Variants in TRIO observed in about 807,000 individuals in gnomAD.
TRIO encodes trio Rho guanine nucleotide exchange factor.
TRIO carries 58 observed loss-of-function variants against 351.9 expected under a neutral mutation model. The ratio of observed to expected loss-of-function variants is 0.16; its 90% CI spans 0.13 to 0.21. The LOEUF (loss-of-function observed/expected upper bound fraction) is 0.21, where lower values mean the gene tolerates loss of function less well. TRIO is among the 10% of genes least tolerant of loss of function. The pLI, the probability that TRIO is intolerant of heterozygous loss-of-function variation, is 1.00. For missense variants in TRIO, 3,201 were observed against 4,027.8 expected (o/e 0.79, Z 5.56); for synonymous variants, 1,758 against 1,595.7 (o/e 1.10, Z -2.42).
At chr5:14,216,045 C>G (rs779030255) in intron 1 of TRIO, among the ~76,000 whole-genome samples, 2 of 152,160 alleles carry the variant, frequency 1.3e-5, no homozygotes, top group African/African-American at 2.4e-5. Context: ...ATCATGGTAT[C>G]TACTTCTTAG....
intron 7 of TRIO, among the ~76,000 whole-genome samples, chr5:14,300,543 T>C (rs30635): frequency 2.6e-5 from 4 of 152,054 alleles, no homozygotes; most frequent in Non-Finnish European, 5.9e-5. Context: ...TCCGATCACC[T>C]TAATTTATCT....
intron 37 of TRIO, among the ~76,000 whole-genome samples, chr5:14,470,794 G>A (rs753128066): frequency 3.9e-5 from 6 of 152,212 alleles, no homozygotes; most frequent in Non-Finnish European, 8.8e-5. Flanking sequence ...TGTATGCATT[G>A]AAGTATGAGT....
chr5:14,374,321 A>G lies in TRIO; in HGVS notation c.3309A>G (p.Lys1103=). Residue 1103 remains lysine (K), a synonymous_variant, in exon 19 of 57, where the codon AAA becomes AAG. Coordinates refer to ENST00000344204, the MANE Select transcript of TRIO (RefSeq NM_007118.4). The stretch of plus-strand genomic sequence containing the variant: ...TGCCAGGAATGGTGACGCACATCAA[A>G]GCTCCTGAACAGCAAGTGAAAAGTG... ...VNMPGMVTHI[K]APEQQVKNIL... 6.2e-7 allele frequency: 1 copy of G among 1,613,326 alleles called. No individual in the cohort carries two copies.
At position 14,381,312 on chromosome 5, in the gene TRIO, A is replaced by G. The variant is rs1746082775; in HGVS notation, c.3570+60A>G. On this transcript the variant is annotated intron_variant, in intron 21 of 56. Transcript: ENST00000344204. ...AAGTCGAAAGCGAGTCTTCAAAAAT[A>G]TCATAAAGAAATACCTCATGAGATT... The G allele has an allele frequency of 2.0e-6, 3 of 1,532,504 alleles. No individual in the cohort carries two copies. In the South Asian group the frequency reaches 3.9e-5, roughly 20 times the overall value. The allele number at this position is 1,532,504 out of a possible 1,614,324, so 94.9% of individuals were successfully genotyped here. A position where few individuals can be genotyped will look rare whatever the true frequency, so the allele number is the denominator to read the frequency against.
At chr5:14,410,426 T>C (rs1749100499) in intron 33 of TRIO, among the ~76,000 whole-genome samples, 1 of 152,190 alleles carries the variant, frequency 6.6e-6, no homozygotes, top group Admixed American at 6.5e-5. Context: ...GTCTGCAAAA[T>C]GCACTGTCCC....
chr5:14,175,877 CACAAAGTGTCATGTT>C (rs1789375627), intron 1 of TRIO, among the ~76,000 whole-genome samples: 1 of 152,200 alleles, frequency 6.6e-6, no homozygotes, highest in Non-Finnish European at 1.5e-5. Flanking sequence ...AAGAAAAGTT[CACAAAGTGTCATGTT>C]ACAGTAAAAG....
At chr5:14,451,448 C>G (rs1167943362) in intron 34 of TRIO, among the ~76,000 whole-genome samples, 1 of 152,188 alleles carries the variant, frequency 6.6e-6, no homozygotes, top group East Asian at 1.9e-4. Flanking sequence ...CCAACACCGT[C>G]AACAGTCATA....
chr5:14,381,454 C>G (rs951919054), intron 21 of TRIO, among the ~76,000 whole-genome samples: 2 of 152,142 alleles, frequency 1.3e-5, no homozygotes, highest in Non-Finnish European at 2.9e-5. Flanking sequence ...TCCTTTGTCC[C>G]TCTGATGTCT....
At chr5:14,166,682 G>A (rs1788781955) in intron 1 of TRIO, among the ~76,000 whole-genome samples, 1 of 152,138 alleles carries the variant, frequency 6.6e-6, no homozygotes, top group African/African-American at 2.4e-5. Context: ...CAAGTCCAGT[G>A]GCCAGTTTCC....
intron 1 of TRIO, among the ~76,000 whole-genome samples, chr5:14,186,618 C>G (rs1369320813): frequency 6.6e-6 from 1 of 151,950 alleles, no homozygotes; most frequent in Non-Finnish European, 1.5e-5. Context: ...CACTGTGTTG[C>G]CCAGGCTGGA....
rs370890728 is a variant in TRIO at position 14,458,164 on chromosome 5, CCTTGT to C, written c.5204-2849_5204-2845del. Among the ~76,000 whole-genome samples, 1,071 of 152,042 alleles carry C rather than the reference CCTTGT, an allele frequency of 7.0e-3. 12 individuals carry two copies. Among genetic ancestry groups the C allele is most frequent in the African/African-American group, 0.024 (999 of 41,484 alleles). On this transcript the variant is annotated intron_variant, in intron 34 of 56. Coordinates refer to ENST00000344204, the MANE Select transcript of TRIO (RefSeq NM_007118.4). The stretch of plus-strand genomic sequence containing the variant: ...CTCCCCACGGGCCACACTCATAGTT[CCTTGT>C]CTTGTGCAGTTGTGAATCTATGTCA...
chr5:14,382,091 C>T (rs1746156924), intron 21 of TRIO, among the ~76,000 whole-genome samples: 2 of 152,110 alleles, frequency 1.3e-5, no homozygotes, highest in South Asian at 4.1e-4. Flanking sequence ...TTGTTGATGA[C>T]AGATTTCGAG....
chr5:14,165,715 C>T (rs942051573), intron 1 of TRIO, among the ~76,000 whole-genome samples: 9 of 152,190 alleles, frequency 5.9e-5, no homozygotes, highest in African/African-American at 1.4e-4. Context: ...TGTAGCCCTT[C>T]GCAGACAGAG....
At chr5:14,488,337 TCTCA>T in intron 48 of TRIO, 77 bp downstream of exon 48, 1 of 1,487,382 alleles carries the variant, frequency 6.7e-7, no homozygotes, top group Non-Finnish European at 9.0e-7. Context: ...CCGCGGCTGT[TCTCA>T]CTAACTCGGC....
At chr5:14,304,197 A>G (rs1738164821) in intron 7 of TRIO, among the ~76,000 whole-genome samples, 1 of 152,130 alleles carries the variant, frequency 6.6e-6, no homozygotes, top group South Asian at 2.1e-4. Context: ...CTAGGGGCAC[A>G]CCCAGACCTG....
intron 11 of TRIO, among the ~76,000 whole-genome samples, chr5:14,337,919 C>T (rs541538606): frequency 1.3e-5 from 2 of 152,304 alleles, no homozygotes; most frequent in South Asian, 2.1e-4. Flanking sequence ...GCTGGTGCTT[C>T]TTGGTCCCGA....
intron 34 of TRIO, among the ~76,000 whole-genome samples, chr5:14,423,791 G>T (rs1330336790): frequency 2.0e-5 from 3 of 152,042 alleles, no homozygotes; most frequent in Admixed American, 2.0e-4. Flanking sequence ...CCTGTCCTGG[G>T]GAGGGCCTTC....
intron 38 of TRIO, 101 bp downstream of exon 38, chr5:14,471,567 G>A: frequency 6.6e-7 from 1 of 1,511,606 alleles, no homozygotes; most frequent in Non-Finnish European, 9.0e-7. Flanking sequence ...TTACCGAGAT[G>A]AGAAGCTCCA....
intron 1 of TRIO, among the ~76,000 whole-genome samples, chr5:14,156,386 C>T (rs1788103477): frequency 6.6e-6 from 1 of 152,102 alleles, no homozygotes; most frequent in Non-Finnish European, 1.5e-5. Context: ...CTTTTAGGGC[C>T]TCTCAGTAGA....
Sources: gnomAD v4.1 joint callset for allele counts (sites outside exome capture counted in the v4.1 genomes callset) on GRCh38, gnomAD v4.1.1 for gene constraint, MANE v1.5 for transcripts, NCBI Gene and HGNC (gene_info 2026-07-23, HGNC 2026-07-21) for gene names.